The following RIF1 variants were observed in gnomAD, a reference collection of about 807,000 sequenced individuals.
RIF1 encodes the protein telomere-associated protein RIF1.
A neutral mutation model predicts 247.1 loss-of-function variants in RIF1; 45 were observed. The observed-to-expected ratio is 0.18, with a 90% confidence interval of 0.14 to 0.23. The LOEUF is 0.23. Among genes scored for constraint, RIF1 ranks in the 10% least tolerant of loss-of-function variants. RIF1 has a pLI of 1.00. For missense variants in RIF1, 2,967 were observed against 2,862.5 expected (o/e 1.04, Z -0.83); for synonymous variants, 1,087 against 978.8 (o/e 1.11, Z -2.06).
intron 24 of RIF1, among the ~76,000 whole-genome samples, chr2:151,458,473 C>T (rs2444261): frequency 1.3e-5 from 2 of 151,934 alleles, no homozygotes; most frequent in Non-Finnish European, 2.9e-5. Flanking sequence ...ACCTCGTTAT[C>T]TGCGTGCCTC....
chr2:151,513,548 C>T, the RIF1 span: 4 of 1,495,834 alleles, frequency 2.7e-6, no homozygotes, highest in Non-Finnish European at 3.7e-6. Flanking sequence ...AACTACTTTC[C>T]TGAAAGATTG....
At chr2:151,513,743 G>C in the RIF1 span, 1 of 1,242,742 alleles carries the variant, frequency 8.0e-7, no homozygotes, top group Non-Finnish European at 1.1e-6. Flanking sequence ...GCTACTACTA[G>C]GTAATAAACA....
chr2:151,507,132 A>G (rs2069727432), intron 13 of RIF1: 5 of 645,418 alleles, frequency 7.7e-6, no homozygotes, highest in South Asian at 2.0e-5. Flanking sequence ...TCTATGCACA[A>G]TAATTATGGT....
At position 151,438,762 on chromosome 2, in the gene RIF1, CT is replaced by C; in HGVS notation, c.1546+17del. 1 of 1,563,226 alleles carries C rather than the reference CT, an allele frequency of 6.4e-7. No homozygotes were observed. The highest frequency in any genetic ancestry group is 8.8e-7 in the Non-Finnish European group (1 of 1,133,860). Reference sequence around the variant, plus strand: ...ACTGAATCAGGTAAGCACTATTACACTGATCAAATGTTGTTTTTTGAAACAG... The same window carrying C: ...ACTGAATCAGGTAAGCACTATTACACGATCAAATGTTGTTTTTTGAAACAG... On this transcript the variant is annotated intron_variant, in intron 14 of 35. Coordinates refer to ENST00000444746, the MANE Select transcript of RIF1 (RefSeq NM_018151.5).
At chr2:151,424,262 T>G (rs2152225494) in intron 8 of RIF1, among the ~76,000 whole-genome samples, 1 of 152,218 alleles carries the variant, frequency 6.6e-6, no homozygotes, top group African/African-American at 2.4e-5. Context: ...TGCCAGTATG[T>G]CCGGCTAATT....
At chr2:151,528,962 C>T in the RIF1 span, among the ~76,000 whole-genome samples, 15 of 152,298 alleles carry the variant, frequency 9.8e-5, no homozygotes, top group South Asian at 4.1e-4. Context: ...AGCCACCCAC[C>T]GCAAAAGCTG....
At chr2:151,508,257 G>A (rs1299473718), downstream of RIF1, 3 of 531,644 alleles carry the variant, frequency 5.6e-6, no homozygotes, top group Non-Finnish European at 1.0e-5. Context: ...TTAGGGCATC[G>A]CAAGGAAGAA....
At chr2:151,434,636 T>A (rs549704347) in intron 10 of RIF1, among the ~76,000 whole-genome samples, 121 of 152,078 alleles carry the variant, frequency 8.0e-4, no homozygotes, top group Non-Finnish European at 1.5e-3. Flanking sequence ...GAGACGGGGT[T>A]TCACTGTGTT....
chr2:151,519,084 G>A, the RIF1 span: 4 of 1,510,774 alleles, frequency 2.6e-6, no homozygotes, highest in Non-Finnish European at 3.7e-6. Context: ...GTGTTATGGG[G>A]GAAGAAAGGA....
At chr2:151,484,499 G>A (rs1324056896), downstream of RIF1, among the ~76,000 whole-genome samples, 1 of 152,236 alleles carries the variant, frequency 6.6e-6, no homozygotes, top group Non-Finnish European at 1.5e-5. Context: ...AGGAGGCTGA[G>A]ACACAAGAAT....
In RIF1 at chr2:151,497,883, CTG is replaced by C. The variant is rs1409738755; in HGVS notation, c.*514-1461_*514-1460del. 2.0e-6 allele frequency: 3 copies of C among 1,496,922 alleles called. No individual in the cohort carries two copies. The Admixed American group carries it at 8.0e-5, about 40-fold the overall frequency. The allele number at this position is 1,496,922 out of a possible 1,614,324, so 92.7% of individuals were successfully genotyped here. ...GGAAGCTGTTGTTGGGATAGGGAAT[CTG>C]CACCCTCTAGAGAAGCAGGGACTTC... On this transcript the variant is annotated intron_variant and NMD_transcript_variant, in intron 10 of 13. Transcript: ENST00000454583.
At chr2:151,505,808 A>C (rs1039572308) in intron 12 of RIF1, 1 of 561,180 alleles carries the variant, frequency 1.8e-6, no homozygotes, top group African/African-American at 1.9e-5. Context: ...GGGGGCCCCT[A>C]TTTAGACTGC....
intron 9 of RIF1, among the ~76,000 whole-genome samples, chr2:151,429,817 G>A (rs1689753103): frequency 6.6e-6 from 1 of 152,100 alleles, no homozygotes; most frequent in African/African-American, 2.4e-5. Flanking sequence ...TCACAAGAAA[G>A]AATATTTAGC....
At chr2:151,493,649 G>A in intron 9 of RIF1, 1 of 859,178 alleles carries the variant, frequency 1.2e-6, no homozygotes, top group South Asian at 2.0e-5. Context: ...TTGTTTTTAA[G>A]TGGACAAGGA....
At chr2:151,510,667 G>A (rs1355866858), downstream of RIF1, among the ~76,000 whole-genome samples, 3 of 152,116 alleles carry the variant, frequency 2.0e-5, no homozygotes, top group Admixed American at 6.5e-5. Flanking sequence ...ATTAGTTATT[G>A]TTGTTAATCT....
At chr2:151,526,596 G>T in the RIF1 span, among the ~76,000 whole-genome samples, 1 of 152,164 alleles carries the variant, frequency 6.6e-6, no homozygotes, top group East Asian at 1.9e-4. Context: ...GTAGTGAAGG[G>T]AAAGTATGAT....
chr2:151,450,513 C>T (rs985349086), intron 20 of RIF1, among the ~76,000 whole-genome samples: 1 of 151,968 alleles, frequency 6.6e-6, no homozygotes, highest in African/African-American at 2.4e-5. Flanking sequence ...TTAAATTCTA[C>T]TAGCTTGAAA....
intron 6 of RIF1, among the ~76,000 whole-genome samples, chr2:151,419,021 AAC>A (rs1687712147): frequency 6.9e-6 from 1 of 145,204 alleles, no homozygotes; most frequent in Non-Finnish European, 1.5e-5. Context: ...TTAGCAACAT[AAC>A]ACATCAGCCT....
intron 34 of RIF1, among the ~76,000 whole-genome samples, chr2:151,470,799 C>T (rs899838541): frequency 2.0e-5 from 3 of 152,100 alleles, no homozygotes; most frequent in South Asian, 2.1e-4. Context: ...ACTCAGAAAA[C>T]CAATACTACT....
Sources: allele counts gnomAD v4.1 joint callset (sites outside exome capture counted in the v4.1 genomes callset), GRCh38; gene constraint gnomAD v4.1.1; transcripts MANE v1.5; gene names NCBI Gene and HGNC (gene_info 2026-07-23, HGNC 2026-07-21).